The following METTL15 variants were observed in gnomAD, a reference collection of about 807,000 sequenced individuals.
The protein encoded by METTL15 is methyltransferase 15, mitochondrial 12S rRNA N4-cytidine.
In METTL15, 34 loss-of-function variants were observed where a neutral mutation model predicts 38.3. The ratio of observed to expected loss-of-function variants is 0.89; its 90% CI spans 0.68 to 1.18. METTL15 has a LOEUF of 1.18. Ranked by LOEUF, METTL15 falls within the 50% of genes most tolerant of loss-of-function variation. The probability of loss-of-function intolerance (pLI) is 0.00; values close to 1 mark genes in which losing one functional copy is unlikely to be tolerated. For synonymous variants in METTL15, 162 were observed against 170.9 expected (o/e 0.95, Z 0.41); for missense variants, 438 against 498.4 (o/e 0.88, Z 1.15).
At chr11:28,390,443 A>C (rs538705564) in intron 5 of METTL15, among the ~76,000 whole-genome samples, 101 of 152,224 alleles carry the variant, frequency 6.6e-4, no homozygotes, top group African/African-American at 2.4e-3. Context: ...AGCTTTCTAC[A>C]TATGGCTAGC....
At chr11:28,171,880 C>G (rs1451701313) in intron 3 of METTL15, among the ~76,000 whole-genome samples, 1 of 151,942 alleles carries the variant, frequency 6.6e-6, no homozygotes, top group Admixed American at 6.6e-5. Context: ...CAACCTCAAT[C>G]TCCTGGGCTC....
At chr11:28,461,258 C>T (rs1851211541) in intron 6 of METTL15, among the ~76,000 whole-genome samples, 1 of 152,000 alleles carries the variant, frequency 6.6e-6, no homozygotes. Flanking sequence ...TTCATTTGAG[C>T]AATTGACAAG....
At chr11:28,169,023 A>G (rs1850758386) in intron 3 of METTL15, among the ~76,000 whole-genome samples, 1 of 152,144 alleles carries the variant, frequency 6.6e-6, no homozygotes, top group Admixed American at 6.6e-5. Context: ...TTTGAAATAG[A>G]AGAGAGACAT....
chr11:28,387,989 AAACTC>A (rs1223151598), intron 5 of METTL15, among the ~76,000 whole-genome samples: 1 of 152,100 alleles, frequency 6.6e-6, no homozygotes, highest in African/African-American at 2.4e-5. Context: ...GTATTTGAGA[AAACTC>A]AACACACTTT....
At chr11:28,362,459 G>T (rs911723607) in intron 5 of METTL15, among the ~76,000 whole-genome samples, 1 of 152,158 alleles carries the variant, frequency 6.6e-6, no homozygotes, top group Non-Finnish European at 1.5e-5. Flanking sequence ...GTACCCAACA[G>T]GTGGTTCTTC....
intron 4 of METTL15, among the ~76,000 whole-genome samples, chr11:28,256,229 T>C (rs898469823): frequency 6.6e-6 from 1 of 152,356 alleles, no homozygotes; most frequent in East Asian, 1.9e-4. Flanking sequence ...TTTGAAAATA[T>C]TCCCTTATCC....
At chr11:28,476,453 T>G (rs866905314) in intron 6 of METTL15, among the ~76,000 whole-genome samples, 21 of 152,220 alleles carry the variant, frequency 1.4e-4, no homozygotes, top group Admixed American at 9.2e-4. Flanking sequence ...TGAGTTTCCT[T>G]TCTGAGCTTG....
At chr11:28,389,926 A>G (rs2133392715) in intron 5 of METTL15, among the ~76,000 whole-genome samples, 1 of 152,176 alleles carries the variant, frequency 6.6e-6, no homozygotes, top group African/African-American at 2.4e-5. Context: ...TTGCCATTCT[A>G]ACTGGTATGA....
intron 6 of METTL15, among the ~76,000 whole-genome samples, chr11:28,318,784 C>G (rs541862478): frequency 2.6e-5 from 4 of 152,086 alleles, no homozygotes; most frequent in Admixed American, 6.6e-5. Flanking sequence ...GTAAGTGAGT[C>G]AAGAAAAGCC....
At chr11:28,523,795 T>C (rs953787421) in intron 6 of METTL15, among the ~76,000 whole-genome samples, 1 of 152,220 alleles carries the variant, frequency 6.6e-6, no homozygotes, top group Non-Finnish European at 1.5e-5. Flanking sequence ...TTGACTATGA[T>C]AACTTGAAGG....
Position 28,332,908 on chromosome 11 carries a change from G to C in METTL15, c.*2067G>C, listed in dbSNP as rs1406647693. The C allele has an allele frequency of 2.8e-5, 4 of 141,838 alleles. No homozygotes were observed. Among genetic ancestry groups the C allele is most frequent in the Non-Finnish European group, 6.0e-5 (4 of 66,642 alleles). 8.8% of individuals were successfully genotyped at this position (141,838 alleles called of 1,614,324 possible). Reference sequence around the variant, plus strand: ...TGCGAGATCACACCACTGCACTCCAGTGTGAGCAACAGAACGAGACTCTGT... The same window carrying C: ...TGCGAGATCACACCACTGCACTCCACTGTGAGCAACAGAACGAGACTCTGT... On this transcript the variant is annotated 3_prime_UTR_variant, in exon 7 of 7. Coordinates refer to ENST00000407364, the MANE Select transcript of METTL15 (RefSeq NM_001113528.2).
intron 6 of METTL15, among the ~76,000 whole-genome samples, chr11:28,317,753 G>T (rs886252692): frequency 6.6e-6 from 1 of 152,096 alleles, no homozygotes; most frequent in Non-Finnish European, 1.5e-5. Context: ...TATATGTAGT[G>T]CAGACTGTTA....
chr11:28,218,086 T>G (rs187628085), intron 4 of METTL15, among the ~76,000 whole-genome samples: 66 of 152,284 alleles, frequency 4.3e-4, no homozygotes, highest in African/African-American at 1.5e-3. Flanking sequence ...TTTTTCCTAT[T>G]CCGAGAAGAA....
rs1231716969 is a variant in METTL15 at position 28,110,370 on chromosome 11, T to G, written c.-49T>G. 1.3e-5 allele frequency: 2 copies of G among 152,210 alleles called. No homozygotes were observed. 9.4% of individuals were successfully genotyped at this position (152,210 alleles called of 1,614,324 possible). A position where few individuals can be genotyped will look rare whatever the true frequency, so the allele number is the denominator to read the frequency against. ...CGTAGTGGTAGTCGCTGGCCCGAGT[T>G]AGAGGCCAGCTGAGAAGTCTTCGTG... is the stretch of plus-strand genomic sequence containing the variant. On this transcript the variant is annotated 5_prime_UTR_variant, in exon 2 of 7. Coordinates refer to ENST00000407364, the MANE Select transcript of METTL15 (RefSeq NM_001113528.2).
intron 5 of METTL15, among the ~76,000 whole-genome samples, chr11:28,393,122 CA>C: frequency 6.6e-6 from 1 of 152,062 alleles, no homozygotes; most frequent in African/African-American, 2.4e-5. Context: ...GGAAGTTTCT[CA>C]AAAAAATTAA....
intron 3 of METTL15, among the ~76,000 whole-genome samples, chr11:28,168,869 A>G (rs1476905679): frequency 2.0e-5 from 3 of 152,124 alleles, no homozygotes; most frequent in African/African-American, 7.2e-5. Flanking sequence ...CACTGAAAAC[A>G]GAGGGCAATT....
intron 5 of METTL15, among the ~76,000 whole-genome samples, chr11:28,400,620 T>A (rs1169945838): frequency 6.6e-6 from 1 of 152,100 alleles, no homozygotes; most frequent in East Asian, 1.9e-4. Flanking sequence ...TTACATATTT[T>A]CCTGACATTT....
intron 4 of METTL15, among the ~76,000 whole-genome samples, chr11:28,244,734 A>C (rs1012150025): frequency 6.6e-6 from 1 of 152,230 alleles, no homozygotes; most frequent in East Asian, 1.9e-4. Context: ...GATTATATGC[A>C]GTGATTGAAT....
At chr11:28,226,152 G>A (rs1438110510) in intron 4 of METTL15, among the ~76,000 whole-genome samples, 2 of 151,750 alleles carry the variant, frequency 1.3e-5, no homozygotes, top group Non-Finnish European at 2.9e-5. Context: ...TATACATCAA[G>A]CAATAGGTTC....
Sources: allele counts gnomAD v4.1 joint callset (sites outside exome capture counted in the v4.1 genomes callset), GRCh38; gene constraint gnomAD v4.1.1; transcripts MANE v1.5; gene names NCBI Gene and HGNC (gene_info 2026-07-23, HGNC 2026-07-21).